The following PLEKHM3 variants were observed in gnomAD, a reference collection of about 807,000 sequenced individuals.
PLEKHM3 encodes the protein pleckstrin homology domain containing M3.
Under a neutral mutation model 81.8 loss-of-function variants are expected in PLEKHM3, and 45 were observed. That is an observed-to-expected ratio of 0.55 (90% CI 0.43 to 0.71). PLEKHM3 has a LOEUF of 0.71. Among genes scored for constraint, PLEKHM3 ranks in the 30% least tolerant of loss-of-function variants. PLEKHM3 has a pLI of 0.00. For missense variants in PLEKHM3, 788 were observed against 924.3 expected, an observed-to-expected ratio of 0.85 and a Z score of 1.91; for synonymous variants, 352 against 356.4, an observed-to-expected ratio of 0.99 and a Z score of 0.14.
chr2:207,998,109 G>A (rs1692180505), intron 2 of PLEKHM3, among the ~76,000 whole-genome samples: 1 of 152,084 alleles, frequency 6.6e-6, no homozygotes, highest in South Asian at 2.1e-4. Flanking sequence ...TGGGCAATAG[G>A]AATATGATTT....
chr2:208,014,045 C>A (rs1692792571), intron 1 of PLEKHM3, among the ~76,000 whole-genome samples: 1 of 152,162 alleles, frequency 6.6e-6, no homozygotes, highest in Non-Finnish European at 1.5e-5. Context: ...TGACTCACCT[C>A]TTGTTTGAAA....
chr2:207,988,200 A>AT (rs1405602734), intron 2 of PLEKHM3, among the ~76,000 whole-genome samples: 3 of 152,178 alleles, frequency 2.0e-5, no homozygotes, highest in African/African-American at 7.2e-5. Flanking sequence ...TCTTGTATAT[A>AT]TAAGATGCTT....
chr2:207,930,935 A>C lies in PLEKHM3; in HGVS notation c.1877T>G (p.Leu626Arg), dbSNP rs2105940247. The C allele has an allele frequency of 2.5e-6, 4 of 1,612,836 alleles. No homozygotes were observed. The highest frequency in any genetic ancestry group is 3.3e-4 in the Middle Eastern group (2 of 6,004). Residue 626 changes from leucine (L) to arginine (R), a missense_variant, in exon 5 of 8, where the codon CTC becomes CGC. Coordinates refer to ENST00000427836, the MANE Select transcript of PLEKHM3 (RefSeq NM_001080475.3). ...FSCRAAVAED[L>R]RRRIFPREYL... The stretch of plus-strand genomic sequence containing the variant: ...GATTTATGACTCTTACCTGCGGCGG[A>C]GATCCTCTGCCACCGCTGCCCGGCA...
intron 3 of PLEKHM3, among the ~76,000 whole-genome samples, chr2:207,966,828 C>T (rs187154877): frequency 1.1e-4 from 16 of 152,232 alleles, no homozygotes; most frequent in African/African-American, 3.4e-4. Flanking sequence ...GCTGGGATTA[C>T]AGGCGTGAGC....
rs1692297159 is a variant in PLEKHM3, at chr2:208,001,381, T to C, written c.259A>G (p.Asn87Asp). 4 of 1,614,176 alleles carry C rather than the reference T, an allele frequency of 2.5e-6. No individual in the cohort carries two copies. Among genetic ancestry groups the C allele is most frequent in the Non-Finnish European group, 3.4e-6 (4 of 1,180,022 alleles). Reference sequence around the variant, plus strand: ...AACTGTTCTTTGGCAGGGAAGACATTTTGAGCTTTGGTTTCTAAGAGCCTG... The same window carrying C: ...AACTGTTCTTTGGCAGGGAAGACATCTTGAGCTTTGGTTTCTAAGAGCCTG... ...KSRLLETKAQ[N>D]VFPAKEQFMV... The change falls in exon 2 of 8, where the codon AAT becomes GAT. Residue 87 changes from asparagine (N) to aspartate (D), a missense_variant. Asn to Asp is a conservative substitution (Grantham distance 23). Transcript: ENST00000427836.
intron 7 of PLEKHM3, among the ~76,000 whole-genome samples, chr2:207,857,190 C>T (rs546420220): frequency 1.1e-4 from 17 of 152,312 alleles, no homozygotes; most frequent in Middle Eastern, 3.4e-3. Context: ...TCTCTTCTTT[C>T]AGTTCCATCA....
chr2:207,987,277 C>T (rs1283327483), intron 2 of PLEKHM3, among the ~76,000 whole-genome samples: 1 of 152,120 alleles, frequency 6.6e-6, no homozygotes, highest in Non-Finnish European at 1.5e-5. Flanking sequence ...AGCCCTACTC[C>T]CTCCTCTAAG....
chr2:208,009,567 T>C (rs1574488811), intron 1 of PLEKHM3, among the ~76,000 whole-genome samples: 1 of 152,216 alleles, frequency 6.6e-6, no homozygotes, highest in Non-Finnish European at 1.5e-5. Context: ...GTGAGTACTA[T>C]TACCCTCATT....
rs186817928 is a variant in PLEKHM3, at chr2:207,822,272, A to G, written c.*6047T>C. 27 of 152,806 alleles carry G rather than the reference A, an allele frequency of 1.8e-4. No homozygotes were observed. The East Asian group carries it at 5.2e-3, about 29-fold the overall frequency. The allele number at this position is 152,806 out of a possible 1,614,324, so 9.5% of individuals were successfully genotyped here. On this transcript the variant is annotated 3_prime_UTR_variant, in exon 8 of 8. Transcript: ENST00000427836. ...TTATCTAAGAGGCTTCCCACTTCTTATTTGGAAAACAGGTGGCAAAATAAA... is the reference window on the plus strand; with the variant it reads ...TTATCTAAGAGGCTTCCCACTTCTTGTTTGGAAAACAGGTGGCAAAATAAA...
intron 6 of PLEKHM3, among the ~76,000 whole-genome samples, chr2:207,898,907 TAAATAAAATA>T (rs1294207527): frequency 6.6e-6 from 1 of 151,794 alleles, no homozygotes; most frequent in Non-Finnish European, 1.5e-5. Flanking sequence ...AAAAAATAAA[TAAATAAAATA>T]AAATAAAATA....
intron 1 of PLEKHM3, among the ~76,000 whole-genome samples, chr2:208,019,447 C>T (rs1336398985): frequency 6.6e-6 from 1 of 152,180 alleles, no homozygotes; most frequent in African/African-American, 2.4e-5. Context: ...ACACACACAA[C>T]CTGGCTAAGT....
chr2:207,985,583 C>T (rs2100350), intron 2 of PLEKHM3, among the ~76,000 whole-genome samples: 152,259 of 152,270 alleles, frequency 1, 76,124 homozygotes, highest in Middle Eastern at 1. Context: ...TTAATAAATA[C>T]ATTCAGATAA....
chr2:207,923,606 TCA>T (rs1389426416), intron 5 of PLEKHM3, among the ~76,000 whole-genome samples: 1 of 151,456 alleles, frequency 6.6e-6, no homozygotes, highest in African/African-American at 2.4e-5. Context: ...AAACTCTGTC[TCA>T]CACACACACA....
intron 4 of PLEKHM3, among the ~76,000 whole-genome samples, chr2:207,945,278 A>C (rs978293411): frequency 3.3e-5 from 5 of 152,060 alleles, no homozygotes; most frequent in Non-Finnish European, 7.4e-5. Context: ...TAGGCTCCTA[A>C]GTTGGAGGGT....
At chr2:207,973,290 C>T (rs1691187911) in intron 3 of PLEKHM3, among the ~76,000 whole-genome samples, 1 of 152,244 alleles carries the variant, frequency 6.6e-6, no homozygotes, top group South Asian at 2.1e-4. Flanking sequence ...CAATTTTTAA[C>T]GTTCCATCTG....
intron 5 of PLEKHM3, among the ~76,000 whole-genome samples, chr2:207,925,047 A>T (rs1474451159): frequency 6.6e-6 from 1 of 152,108 alleles, no homozygotes; most frequent in East Asian, 1.9e-4. Flanking sequence ...GCAAGGGGCC[A>T]CGTCAGAAGT....
chr2:207,922,673 G>A (rs1479502673), intron 5 of PLEKHM3, among the ~76,000 whole-genome samples: 4 of 152,148 alleles, frequency 2.6e-5, no homozygotes, highest in Non-Finnish European at 5.9e-5. Flanking sequence ...TTAGCTGGGC[G>A]TGGTGGCGGG....
Position 207,977,104 on chromosome 2 carries a change from AT to A in PLEKHM3, c.1092del (p.Lys364AsnfsTer8). 2 of 1,614,180 alleles carry A rather than the reference AT, an allele frequency of 1.2e-6. No individual in the cohort carries two copies. Among genetic ancestry groups the A allele is most frequent in the Non-Finnish European group, 1.7e-6 (2 of 1,180,018 alleles). Reference sequence around the variant, plus strand: ...ACAGTCAGCCTGTAGAGAGTCCCTGATTTGAGGATGTTTTGGTACTGTTTGG... The same window carrying A: ...ACAGTCAGCCTGTAGAGAGTCCCTGATTGAGGATGTTTTGGTACTGTTTGG... ...DSSKQYQNIL[K>X]SGTLYRLTVQ... is the part of the protein sequence containing the mutation. On this transcript the variant is annotated frameshift_variant, in exon 3 of 8. Transcript: ENST00000427836. LOFTEE classifies it high-confidence loss of function.
At chr2:207,879,403 TC>T (rs1393047954) in intron 6 of PLEKHM3, among the ~76,000 whole-genome samples, 5 of 152,244 alleles carry the variant, frequency 3.3e-5, no homozygotes, top group African/African-American at 1.2e-4. Flanking sequence ...TATGAACAGA[TC>T]ACTTGTTAAG....
Sources: gnomAD v4.1 joint callset for allele counts (sites outside exome capture counted in the v4.1 genomes callset) on GRCh38, gnomAD v4.1.1 for gene constraint, MANE v1.5 for transcripts, NCBI Gene and HGNC (gene_info 2026-07-23, HGNC 2026-07-21) for gene names.